The following RCC2 variants were observed in gnomAD, a reference collection of about 807,000 sequenced individuals.
RCC2 encodes protein RCC2.
In RCC2, 19 loss-of-function variants were observed where a neutral mutation model predicts 64.1. The ratio of observed to expected loss-of-function variants is 0.30; its 90% confidence interval spans 0.21 to 0.44. RCC2 has a LOEUF of 0.44. RCC2 is among the 20% of genes least tolerant of loss of function. RCC2 has a pLI of 1.00. For synonymous variants in RCC2, 325 were observed against 279.6 expected, an observed-to-expected ratio of 1.16 and a Z score of -1.62; for missense variants, 508 against 710.4, an observed-to-expected ratio of 0.72 and a Z score of 3.24.
At position 17,407,104 on chromosome 1, in the gene RCC2, C is replaced by T. The variant is rs933450446; in HGVS notation, c.*1986G>A. On this transcript the variant is annotated 3_prime_UTR_variant, in exon 13 of 13. Coordinates refer to ENST00000375436, the MANE Select transcript of RCC2 (RefSeq NM_018715.4). ...AGCCAGAAGGAGCTGCGGGACAAGG[C>T]AGTCTTCACTTTGAAGGTCCCTTTC... 3.3e-5 allele frequency: 5 copies of T among 152,236 alleles called. No individual in the cohort carries two copies. Among genetic ancestry groups the T allele is most frequent in the Non-Finnish European group, 7.3e-5 (5 of 68,058 alleles). 9.4% of individuals were successfully genotyped at this position (152,236 alleles called of 1,614,324 possible).
At position 17,429,180 on chromosome 1, in the gene RCC2, CACTTTGA is replaced by C; in HGVS notation, c.298_304del (p.Ser100AlafsTer6). The C allele has an allele frequency of 6.2e-7, 1 of 1,614,158 alleles. No homozygotes were observed. The highest frequency in any genetic ancestry group is 8.5e-7 in the Non-Finnish European group (1 of 1,179,992). ...CCCAAAAATCAAAAGCTGCCCTTTG[CACTTTGA>C]CCCTTCAAGTTTCTGCAGAGACAGA... On this transcript the variant is annotated frameshift_variant, in exon 3 of 13. Coordinates refer to ENST00000375436, the MANE Select transcript of RCC2 (RefSeq NM_018715.4). LOFTEE classifies it high-confidence loss of function.
At chr1:17,434,790 G>A (rs557172505) in intron 2 of RCC2, among the ~76,000 whole-genome samples, 14 of 152,352 alleles carry the variant, frequency 9.2e-5, no homozygotes, top group African/African-American at 3.4e-4. Context: ...AGCAGGGGGA[G>A]ACCTCCCTTT....
chr1:17,429,824 C>G (rs945769369), intron 2 of RCC2, among the ~76,000 whole-genome samples: 1 of 152,144 alleles, frequency 6.6e-6, no homozygotes, highest in Non-Finnish European at 1.5e-5. Context: ...AGCCCGGGAG[C>G]CAATGGTGAG....
At chr1:17,437,889 C>CGG (rs535883916) in intron 2 of RCC2, among the ~76,000 whole-genome samples, 1 of 135,190 alleles carries the variant, frequency 7.4e-6, no homozygotes, top group South Asian at 2.5e-4. Context: ...TTTCCCGGGG[C>CGG]GGGGGGGGAG....
At chr1:17,427,506 T>C (rs920991598) in intron 3 of RCC2, among the ~76,000 whole-genome samples, 7 of 152,210 alleles carry the variant, frequency 4.6e-5, no homozygotes, top group African/African-American at 1.7e-4. Flanking sequence ...TAAATTAAGA[T>C]TCAGGAACTG....
intron 3 of RCC2, among the ~76,000 whole-genome samples, chr1:17,428,037 C>T (rs2075636411): frequency 6.6e-6 from 1 of 152,162 alleles, no homozygotes; most frequent in South Asian, 2.1e-4. Flanking sequence ...AACATACATG[C>T]GCGGGAGGCA....
At chr1:17,431,359 A>AAAAAAAAATATAT (rs1553158471) in intron 2 of RCC2, among the ~76,000 whole-genome samples, 2 of 44,928 alleles carry the variant, frequency 4.5e-5, no homozygotes, top group Non-Finnish European at 7.6e-5. Context: ...AAAAAAAAAA[A>AAAAAAAAATATAT]ATATATATAT....
intron 7 of RCC2, among the ~76,000 whole-genome samples, chr1:17,418,240 A>T (rs1445493213): frequency 6.9e-6 from 1 of 145,232 alleles, no homozygotes; most frequent in African/African-American, 2.6e-5. Context: ...TTTGAGACAG[A>T]GTCTCGCTCT....
intron 11 of RCC2, 23 bp from the exon 12 acceptor site, chr1:17,410,074 C>T (rs771327928): frequency 2.4e-5 from 39 of 1,608,794 alleles, no homozygotes; most frequent in Non-Finnish European, 2.8e-5. Context: ...ACAAGATGTT[C>T]GCAATCGAGG....
Position 17,424,293 on chromosome 1 carries a change from G to A in RCC2, c.523+1248C>T, listed in dbSNP as rs541437528. 2.6e-4 allele frequency among the ~76,000 whole-genome samples: 39 copies of A among 152,294 alleles called. 1 individual carries two copies. In the South Asian group the frequency reaches 7.7e-3, roughly 30 times the overall value. On this transcript the variant is annotated intron_variant, in intron 4 of 12. Transcript: ENST00000375436. ...CTCGGGGATCACACGTCTTGATGGC[G>A]GGACATACATTGTCCCTGCCCACAG...
chr1:17,435,127 G>C (rs2075722385), intron 2 of RCC2, among the ~76,000 whole-genome samples: 1 of 152,156 alleles, frequency 6.6e-6, no homozygotes, highest in African/African-American at 2.4e-5. Flanking sequence ...GAAGAAGTCT[G>C]GTGTTGGTTG....
intron 2 of RCC2, among the ~76,000 whole-genome samples, chr1:17,432,515 G>T (rs2075692562): frequency 6.6e-6 from 1 of 152,214 alleles, no homozygotes; most frequent in Non-Finnish European, 1.5e-5. Context: ...GAGGTTCATG[G>T]GCACCTGTGC....
At chr1:17,438,689 C>T (rs1475425037) in intron 1 of RCC2, 167 bp from the exon 2 acceptor site, 5 of 567,888 alleles carry the variant, frequency 8.8e-6, no homozygotes, top group East Asian at 3.8e-5. Context: ...AAATCGCGCC[C>T]CTCCCTGGCC....
intron 6 of RCC2, among the ~76,000 whole-genome samples, chr1:17,421,733 A>G (rs186473081): frequency 1.0e-3 from 152 of 152,260 alleles, no homozygotes; most frequent in East Asian, 5.8e-3. Flanking sequence ...CTGTTTTAAA[A>G]ACTATAGCAA....
chr1:17,428,499 G>T (rs1046357507), intron 3 of RCC2, among the ~76,000 whole-genome samples: 4 of 152,200 alleles, frequency 2.6e-5, no homozygotes, highest in African/African-American at 7.2e-5. Flanking sequence ...CACTTTGGGA[G>T]TCTTTCCAGA....
At chr1:17,425,504 A>G (rs1324368) in intron 4 of RCC2, 37 bp downstream of exon 4, 549,313 of 1,547,934 alleles carry the variant, frequency 0.35, 99,485 homozygotes, top group South Asian at 0.41. Flanking sequence ...AGCTGGTGAC[A>G]GTGGTCCCCA....
intron 7 of RCC2, among the ~76,000 whole-genome samples, chr1:17,419,799 G>A (rs1004126957): frequency 6.6e-6 from 1 of 152,194 alleles, no homozygotes; most frequent in African/African-American, 2.4e-5. Flanking sequence ...CCGCAGCAGG[G>A]CTGTGGCCAT....
At chr1:17,426,089 TGAG>T (rs895801394) in intron 3 of RCC2, among the ~76,000 whole-genome samples, 4 of 152,128 alleles carry the variant, frequency 2.6e-5, no homozygotes, top group African/African-American at 9.7e-5. Context: ...AGCCGTCAGC[TGAG>T]GAAGAGGCTG....
intron 4 of RCC2, among the ~76,000 whole-genome samples, chr1:17,423,296 G>A (rs1453805624): frequency 6.6e-6 from 1 of 152,208 alleles, no homozygotes; most frequent in Non-Finnish European, 1.5e-5. Flanking sequence ...CATCCACTGA[G>A]GACCATTTGG....
Sources: gnomAD v4.1 joint callset for allele counts (sites outside exome capture counted in the v4.1 genomes callset) on GRCh38, gnomAD v4.1.1 for gene constraint, MANE v1.5 for transcripts, NCBI Gene and HGNC (gene_info 2026-07-23, HGNC 2026-07-21) for gene names.